Variants in HPSE2 observed in about 807,000 individuals in gnomAD.
HPSE2 encodes the protein heparanase 2 (inactive).
In HPSE2, 38 loss-of-function variants were observed where a neutral mutation model predicts 60.5. That is an observed-to-expected ratio of 0.63 (90% CI 0.48 to 0.82). The LOEUF (loss-of-function observed/expected upper bound fraction) is 0.82. Among genes scored for constraint, HPSE2 ranks in the 40% least tolerant of loss-of-function variants. HPSE2 has a pLI of 0.00. For missense variants in HPSE2, 713 were observed against 740.4 expected, an observed-to-expected ratio of 0.96 and a Z score of 0.43; for synonymous variants, 295 against 293.2, an observed-to-expected ratio of 1.01 and a Z score of -0.06.
chr10:98,985,159 C>T (rs557270699), intron 3 of HPSE2, among the ~76,000 whole-genome samples: 2 of 152,130 alleles, frequency 1.3e-5, no homozygotes, highest in East Asian at 3.9e-4. Context: ...AGATACTCCT[C>T]GAGAAGAGCA....
intron 3 of HPSE2, among the ~76,000 whole-genome samples, chr10:98,908,158 GTTAA>G (rs1251956866): frequency 6.6e-6 from 1 of 152,076 alleles, no homozygotes; most frequent in Non-Finnish European, 1.5e-5. Flanking sequence ...GCAGTAAGTT[GTTAA>G]TTAGTCACAA....
intron 3 of HPSE2, among the ~76,000 whole-genome samples, chr10:99,134,794 T>G (rs868288816): frequency 6.6e-6 from 1 of 152,138 alleles, no homozygotes; most frequent in Non-Finnish European, 1.5e-5. Flanking sequence ...ATCAACACTA[T>G]GAAGAAACTG....
intron 3 of HPSE2, among the ~76,000 whole-genome samples, chr10:98,997,656 G>C (rs188127769): frequency 1.3e-5 from 2 of 152,248 alleles, no homozygotes; most frequent in Admixed American, 6.5e-5. Flanking sequence ...TTATCTGAAG[G>C]AATCCTAAGT....
chr10:99,135,560 A>G (rs1845613983), intron 3 of HPSE2, among the ~76,000 whole-genome samples: 2 of 151,960 alleles, frequency 1.3e-5, no homozygotes, highest in Admixed American at 6.6e-5. Flanking sequence ...AAACTCACTC[A>G]CAACTACATG....
intron 2 of HPSE2, among the ~76,000 whole-genome samples, chr10:99,162,723 A>C (rs1362294259): frequency 1.3e-5 from 2 of 151,856 alleles, no homozygotes; most frequent in Admixed American, 6.6e-5. Context: ...GTCATCTTTT[A>C]TTTCTTTTTC....
intron 3 of HPSE2, among the ~76,000 whole-genome samples, chr10:98,995,558 C>T (rs945910424): frequency 6.6e-6 from 1 of 152,032 alleles, no homozygotes; most frequent in Non-Finnish European, 1.5e-5. Context: ...AATATTAAAC[C>T]TGAGTTCTCT....
chr10:98,720,695 T>C (rs1948901506), intron 5 of HPSE2, among the ~76,000 whole-genome samples: 1 of 152,212 alleles, frequency 6.6e-6, no homozygotes, highest in South Asian at 2.1e-4. Context: ...TGCTATGTAT[T>C]ACAAGCAAAA....
rs138351611 is a variant in HPSE2, at chr10:98,862,539, A to G, written c.611-118483T>C. On this transcript the variant is annotated intron_variant, in intron 3 of 11. Coordinates refer to ENST00000370552, the MANE Select transcript of HPSE2 (RefSeq NM_021828.5). Reference sequence around the variant, plus strand: ...AAATAGTCACCCTTTTAAGGCTATTATCAGATTACTAATTTAGAATCTGCA... The same window carrying G: ...AAATAGTCACCCTTTTAAGGCTATTGTCAGATTACTAATTTAGAATCTGCA... 6.8e-4 allele frequency among the ~76,000 whole-genome samples: 103 copies of G among 152,322 alleles called. 1 individual carries two copies. The highest frequency in any genetic ancestry group is 2.4e-3 in the African/African-American group (100 of 41,586).
chr10:98,458,122 G>A lies in HPSE2; in HGVS notation c.*1452C>T, dbSNP rs4917834. ...GGCCCAAATCCTTAACTCCGTGTGC[G>A]TCTTAGGCAGCCTCCCTAGTCTCTG... On this transcript the variant is annotated 3_prime_UTR_variant, in exon 12 of 12. Transcript: ENST00000370552. The A allele has an allele frequency of 0.46, 69,676 of 151,338 alleles. 16,239 individuals are homozygous for A. The highest frequency in any genetic ancestry group is 0.54 in the East Asian group (2,766 of 5,082). The allele number at this position is 151,338 out of a possible 1,614,324, so 9.4% of individuals were successfully genotyped here. A position where few individuals can be genotyped will look rare whatever the true frequency, so the allele number is the denominator to read the frequency against.
At chr10:98,547,832 A>AAC (rs61422513) in intron 9 of HPSE2, among the ~76,000 whole-genome samples, 1,844 of 148,322 alleles carry the variant, frequency 0.012, 23 homozygotes, top group African/African-American at 0.038. Flanking sequence ...ATAGAACACA[A>AAC]ACACACACAC....
intron 10 of HPSE2, among the ~76,000 whole-genome samples, chr10:98,485,481 G>T (rs964047483): frequency 6.6e-6 from 1 of 152,200 alleles, no homozygotes; most frequent in Non-Finnish European, 1.5e-5. Flanking sequence ...CCTGCAACAT[G>T]TGAACTAGCT....
chr10:98,865,744 C>T (rs532171948), intron 3 of HPSE2, among the ~76,000 whole-genome samples: 3 of 152,186 alleles, frequency 2.0e-5, no homozygotes, highest in African/African-American at 7.2e-5. Context: ...TTCTACAAGA[C>T]TGAAAATAGT....
intron 3 of HPSE2, among the ~76,000 whole-genome samples, chr10:98,914,103 T>C (rs919512756): frequency 6.6e-6 from 1 of 152,140 alleles, no homozygotes; most frequent in Non-Finnish European, 1.5e-5. Context: ...TTCCCACATA[T>C]CGTGGGAGGG....
chr10:98,984,018 C>T (rs1022890715), intron 3 of HPSE2, among the ~76,000 whole-genome samples: 13 of 152,202 alleles, frequency 8.5e-5, no homozygotes, highest in Admixed American at 2.6e-4. Flanking sequence ...GTGGAGCCCA[C>T]GGCAGCTCAA....
intron 9 of HPSE2, among the ~76,000 whole-genome samples, chr10:98,614,571 C>T (rs532235715): frequency 3.3e-5 from 5 of 152,162 alleles, no homozygotes; most frequent in South Asian, 2.1e-4. Context: ...AGATTACAGG[C>T]GTGAGCCACC....
At position 98,920,821 on chromosome 10, in the gene HPSE2, C is replaced by A. The variant is rs149224651; in HGVS notation, c.611-176765G>T. ...AAATAATCATAGTCTGCTCTTTGAG[C>A]TCCAGGGGCACAAGCAATTCAGGCA... On this transcript the variant is annotated intron_variant, in intron 3 of 11. Coordinates refer to ENST00000370552, the MANE Select transcript of HPSE2 (RefSeq NM_021828.5). Among the ~76,000 whole-genome samples the A allele has an allele frequency of 1.6e-4, 25 of 152,320 alleles. No individual in the cohort carries two copies. The East Asian group carries it at 4.8e-3, about 29-fold the overall frequency.
At chr10:98,507,260 G>A (rs1350446738) in intron 9 of HPSE2, among the ~76,000 whole-genome samples, 1 of 152,144 alleles carries the variant, frequency 6.6e-6, no homozygotes, top group Non-Finnish European at 1.5e-5. Flanking sequence ...CACAGGCCCT[G>A]AGTGTATTAT....
At chr10:99,115,155 G>GT (rs577271484) in intron 3 of HPSE2, among the ~76,000 whole-genome samples, 68,154 of 130,590 alleles carry the variant, frequency 0.52, 18,779 homozygotes, top group East Asian at 0.64. Context: ...AGCTAAATGT[G>GT]TTTTTTTTTT....
upstream of HPSE2, among the ~76,000 whole-genome samples, chr10:99,240,429 G>C (rs78781614): frequency 3.6e-5 from 4 of 110,030 alleles, no homozygotes; most frequent in Non-Finnish European, 5.4e-5. Context: ...TTTTTTTTTC[G>C]AGACAGAGTC....
Sources: gnomAD v4.1 joint callset for allele counts (sites outside exome capture counted in the v4.1 genomes callset) on GRCh38, gnomAD v4.1.1 for gene constraint, MANE v1.5 for transcripts, NCBI Gene and HGNC (gene_info 2026-07-23, HGNC 2026-07-21) for gene names.